TPST2: variants seen among roughly 807,000 people sequenced by gnomAD.
TPST2 encodes the protein tyrosylprotein sulfotransferase 2.
TPST2 carries 16 observed loss-of-function variants against 27.8 expected under a neutral mutation model. That is an observed-to-expected ratio of 0.58 (90% confidence interval 0.39 to 0.88). The LOEUF is 0.88. Among genes scored for constraint, TPST2 ranks in the 40% least tolerant of loss-of-function variants. The pLI, the probability that TPST2 is intolerant of heterozygous loss-of-function variation, is 0.00. For missense variants in TPST2, 464 were observed against 543.1 expected (o/e 0.85, Z 1.45); for synonymous variants, 229 against 231.7 (o/e 0.99, Z 0.10).
intron 1 of TPST2, 101 bp downstream of exon 1, chr22:26,589,952 G>A (rs1169458842): frequency 6.6e-6 from 1 of 151,848 alleles, no homozygotes; most frequent in African/African-American, 2.4e-5. Flanking sequence ...CAGCCGCCAG[G>A]ACGGAGGGCT....
intron 1 of TPST2, among the ~76,000 whole-genome samples, chr22:26,588,261 T>C (rs555388371): frequency 6.6e-6 from 1 of 151,222 alleles, no homozygotes; most frequent in African/African-American, 2.4e-5. Flanking sequence ...TTAGAAACAT[T>C]CTCTGAAGTG....
chr22:26,550,532 G>A (rs1602273141), intron 1 of TPST2: 2 of 956,760 alleles, frequency 2.1e-6, no homozygotes, highest in African/African-American at 1.8e-5. Context: ...GGGGCAGGGA[G>A]GGGACAACAG....
At chr22:26,549,676 GAAAAAGA>G (rs1926349859) in intron 1 of TPST2, among the ~76,000 whole-genome samples, 3 of 97,194 alleles carry the variant, frequency 3.1e-5, no homozygotes, top group Admixed American at 1.1e-4. Context: ...AAAAAAAAAA[GAAAAAGA>G]AAAAAGAAAA....
chr22:26,551,789 A>C (rs983023232), intron 1 of TPST2, among the ~76,000 whole-genome samples: 1 of 151,680 alleles, frequency 6.6e-6, no homozygotes. Flanking sequence ...CACCTGGAAG[A>C]GTGTCATGGG....
intron 1 of TPST2, among the ~76,000 whole-genome samples, chr22:26,556,542 A>C (rs13053905): frequency 6.6e-6 from 1 of 151,936 alleles, no homozygotes; most frequent in South Asian, 2.1e-4. Context: ...CTCCATCTCA[A>C]AAAAAAAGTG....
intron 1 of TPST2, among the ~76,000 whole-genome samples, chr22:26,578,638 C>G (rs1304689112): frequency 6.6e-6 from 1 of 152,116 alleles, no homozygotes; most frequent in East Asian, 1.9e-4. Context: ...TCTCCCATCT[C>G]TCAGAAGTCG....
intron 1 of TPST2, among the ~76,000 whole-genome samples, chr22:26,584,274 G>T (rs1186973179): frequency 6.6e-6 from 1 of 152,182 alleles, no homozygotes; most frequent in Non-Finnish European, 1.5e-5. Flanking sequence ...GTGCATGAGA[G>T]TGTGGGAGTG....
chr22:26,537,596 G>A (rs552434912), intron 3 of TPST2, among the ~76,000 whole-genome samples: 31 of 152,218 alleles, frequency 2.0e-4, no homozygotes, highest in African/African-American at 7.0e-4. Context: ...GGAACTACAG[G>A]CATGTACCAC....
intron 1 of TPST2, among the ~76,000 whole-genome samples, chr22:26,578,655 A>G (rs1927958953): frequency 6.6e-6 from 1 of 152,078 alleles, no homozygotes; most frequent in African/African-American, 2.4e-5. Flanking sequence ...GTCGGTGTCT[A>G]CACAACAACC....
At chr22:26,536,250 C>T in intron 4 of TPST2, 38 bp downstream of exon 4, 1 of 1,611,586 alleles carries the variant, frequency 6.2e-7, no homozygotes, top group Non-Finnish European at 8.5e-7. Flanking sequence ...CCCCATATCC[C>T]CAAGAGTACA....
At chr22:26,543,316 G>A (rs1191880263) in intron 2 of TPST2, 3 of 152,194 alleles carry the variant, frequency 2.0e-5, no homozygotes, top group African/African-American at 4.8e-5. Flanking sequence ...ACTTCCTGCG[G>A]GGAGGCAGGC....
intron 1 of TPST2, among the ~76,000 whole-genome samples, chr22:26,581,583 C>T (rs1216749290): frequency 6.6e-6 from 1 of 152,256 alleles, no homozygotes; most frequent in Non-Finnish European, 1.5e-5. Flanking sequence ...GCCTCACCTA[C>T]TCATTGGTCC....
At chr22:26,563,301 C>T (rs1927214353) in intron 1 of TPST2, among the ~76,000 whole-genome samples, 1 of 151,502 alleles carries the variant, frequency 6.6e-6, no homozygotes, top group African/African-American at 2.4e-5. Flanking sequence ...CATGCAACAC[C>T]TTGATGGACC....
Position 26,541,162 on chromosome 22 carries a change from TG to T in TPST2, c.468del (p.Cys156Ter). The T allele has an allele frequency of 1.9e-6, 3 of 1,604,988 alleles. No homozygotes were observed. Among genetic ancestry groups the T allele is most frequent in the Non-Finnish European group, 2.6e-6 (3 of 1,174,256 alleles). On this transcript the variant is annotated frameshift_variant, in exon 3 of 7. Transcript: ENST00000338754. LOFTEE classifies it high-confidence loss of function. The surrounding 1 kb of genome is among the most constrained non-coding windows in gnomAD (Gnocchi z 5.9). ...AKHGEPARVL[C>X]NKDPFTLKSS... ...GACTTGAGCGTAAATGGGTCCTTGT[TG>T]CAGAGCACGCGGGCCGGCTCTCCGT... is the stretch of plus-strand genomic sequence containing the variant.
chr22:26,548,369 A>C (rs1926242544), intron 1 of TPST2, among the ~76,000 whole-genome samples: 1 of 140,750 alleles, frequency 7.1e-6, no homozygotes. Flanking sequence ...GGGGGAGGGG[A>C]AGGGGGAGGA....
chr22:26,546,220 A>G (rs1238274362), intron 1 of TPST2, among the ~76,000 whole-genome samples: 1 of 151,992 alleles, frequency 6.6e-6, no homozygotes, highest in African/African-American at 2.4e-5. Context: ...CCATTTTCCT[A>G]TTCCTGAAAT....
intron 1 of TPST2, among the ~76,000 whole-genome samples, chr22:26,569,397 C>T (rs957158619): frequency 6.6e-6 from 1 of 152,156 alleles, no homozygotes. Flanking sequence ...AGGTGCTGGT[C>T]ACACAGACAC....
chr22:26,584,993 C>T (rs1928284597), intron 1 of TPST2, among the ~76,000 whole-genome samples: 1 of 152,210 alleles, frequency 6.6e-6, no homozygotes, highest in East Asian at 1.9e-4. Context: ...CAGCTTTTGC[C>T]TGGTACCAAG....
intron 1 of TPST2, among the ~76,000 whole-genome samples, chr22:26,584,864 C>T (rs1024718015): frequency 6.6e-6 from 1 of 152,160 alleles, no homozygotes; most frequent in African/African-American, 2.4e-5. Context: ...GTCTGGCACC[C>T]AGTAAGCCCT....
Sources: gnomAD v4.1 joint callset for allele counts (sites outside exome capture counted in the v4.1 genomes callset) on GRCh38, gnomAD v4.1.1 for gene constraint, Gnocchi (gnomAD v3.1) non-coding constraint, MANE v1.5 for transcripts, NCBI Gene and HGNC (gene_info 2026-07-23, HGNC 2026-07-21) for gene names.